The following CYYR1 variants were observed in gnomAD, a reference collection of about 807,000 sequenced individuals.
The protein encoded by CYYR1 is cysteine and tyrosine-rich protein 1.
A neutral mutation model predicts 15.2 loss-of-function variants in CYYR1; 14 were observed. The ratio of observed to expected loss-of-function variants is 0.92; its 90% CI spans 0.61 to 1.44. The LOEUF (loss-of-function observed/expected upper bound fraction) is 1.44, where lower values mean the gene tolerates loss of function less well. Ranked by LOEUF, CYYR1 falls within the 40% of genes most tolerant of loss-of-function variation. The probability of loss-of-function intolerance (pLI) is 0.00; values close to 1 mark genes in which losing one functional copy is unlikely to be tolerated. For synonymous variants in CYYR1, 80 were observed against 77.4 expected (o/e 1.03, Z -0.18); for missense variants, 228 against 209.5 (o/e 1.09, Z -0.54).
intron 2 of CYYR1, among the ~76,000 whole-genome samples, chr21:26,500,493 T>C (rs187174573): frequency 3.3e-5 from 5 of 152,234 alleles, no homozygotes; most frequent in African/African-American, 4.8e-5. Context: ...AGCAGACACT[T>C]GTAGCAGATG....
intron 2 of CYYR1, chr21:26,564,765 G>C: frequency 8.1e-7 from 1 of 1,235,658 alleles, no homozygotes; most frequent in Non-Finnish European, 1.0e-6. Flanking sequence ...AAGAATCACA[G>C]AATCAGTTTG....
rs572631823 is a variant in CYYR1, at chr21:26,468,810, A to G, written c.335-176T>C. The stretch of plus-strand genomic sequence containing the variant: ...AAGGGTAAGTGCTCTAAAATGTGGT[A>G]TCATGGGTCAAAGTGTTAAGAACTG... On this transcript the variant is annotated intron_variant, in intron 3 of 3. Coordinates refer to ENST00000652641, the MANE Select transcript of CYYR1 (RefSeq NM_001320768.2). Among the ~76,000 whole-genome samples the G allele has an allele frequency of 1.9e-4, 29 of 152,322 alleles. No individual in the cohort carries two copies. In the East Asian group the frequency reaches 5.6e-3, roughly 29 times the overall value.
chr21:26,491,987 G>C (rs2065335267), intron 2 of CYYR1, among the ~76,000 whole-genome samples: 1 of 152,144 alleles, frequency 6.6e-6, no homozygotes, highest in Non-Finnish European at 1.5e-5. Context: ...AGGCTGCCCA[G>C]ACTCAACAGC....
Position 26,467,293 on chromosome 21 carries a change from G to A in CYYR1, c.*1208C>T, listed in dbSNP as rs1257837745. The A allele has an allele frequency of 6.6e-5, 10 of 152,110 alleles. No individual in the cohort carries two copies. The highest frequency in any genetic ancestry group is 1.5e-4 in the Non-Finnish European group (10 of 68,000). The allele number at this position is 152,110 out of a possible 1,614,324, so 9.4% of individuals were successfully genotyped here. On this transcript the variant is annotated 3_prime_UTR_variant, in exon 4 of 4. Coordinates refer to ENST00000652641, the MANE Select transcript of CYYR1 (RefSeq NM_001320768.2). ...GGCACATTAGAATTATTTATTAAAT[G>A]CTTTATACATATAAAGGTAGGCACT...
chr21:26,573,143 G>T lies in CYYR1; in HGVS notation c.-203C>A, dbSNP rs548464418. ...CGACTGCGGGACTCCGCGGAGCTGG[G>T]GCGCCCGTGGCCCGAGACGGGCTGC... On this transcript the variant is annotated 5_prime_UTR_variant, in exon 1 of 4. Transcript: ENST00000652641. 1.1e-5 allele frequency: 16 copies of T among 1,493,836 alleles called. No individual in the cohort carries two copies. The highest frequency in any genetic ancestry group is 1.3e-5 in the Non-Finnish European group (15 of 1,126,364). 92.5% of individuals were successfully genotyped at this position (1,493,836 alleles called of 1,614,324 possible). A position where few individuals can be genotyped will look rare whatever the true frequency, so the allele number is the denominator to read the frequency against.
chr21:26,486,834 T>G (rs1312349585), intron 2 of CYYR1, among the ~76,000 whole-genome samples: 7 of 152,124 alleles, frequency 4.6e-5, no homozygotes. Flanking sequence ...AGCAGCTTAC[T>G]AGTTATCTTG....
intron 2 of CYYR1, among the ~76,000 whole-genome samples, chr21:26,534,567 T>A (rs981100678): frequency 6.6e-6 from 1 of 152,052 alleles, no homozygotes; most frequent in Non-Finnish European, 1.5e-5. Flanking sequence ...GAATAAAACC[T>A]TTGATCCTTT....
At position 26,468,913 on chromosome 21, in the gene CYYR1, A is replaced by G. The variant is rs187842173; in HGVS notation, c.335-279T>C. Among the ~76,000 whole-genome samples, 902 of 150,972 alleles carry G rather than the reference A, an allele frequency of 6.0e-3. 42 individuals carry two copies. Among genetic ancestry groups the G allele is most frequent in the Admixed American group, 0.05 (756 of 15,066 alleles). Reference sequence around the variant, plus strand: ...AGGTGAGGGACAATTCAGGTTGATCAAAAGCACTGAAGCGGGAGAGCCCTT... The same window carrying G: ...AGGTGAGGGACAATTCAGGTTGATCGAAAGCACTGAAGCGGGAGAGCCCTT... On this transcript the variant is annotated intron_variant, in intron 3 of 3. Transcript: ENST00000652641.
chr21:26,481,533 T>A (rs1298054444), intron 2 of CYYR1, among the ~76,000 whole-genome samples: 1 of 152,134 alleles, frequency 6.6e-6, no homozygotes, highest in African/African-American at 2.4e-5. Context: ...TCCAGCACCA[T>A]CCATGTGCCT....
chr21:26,559,104 T>C (rs2123708328), intron 2 of CYYR1, among the ~76,000 whole-genome samples: 1 of 152,300 alleles, frequency 6.6e-6, no homozygotes, highest in South Asian at 2.1e-4. Context: ...AGAGCCCTTT[T>C]ATCTTTGCCC....
At chr21:26,541,210 A>G (rs1439295083) in intron 2 of CYYR1, among the ~76,000 whole-genome samples, 1 of 152,198 alleles carries the variant, frequency 6.6e-6, no homozygotes, top group Non-Finnish European at 1.5e-5. Flanking sequence ...GTAAAACCCA[A>G]CATCTGAAGA....
chr21:26,571,511 A>C (rs1327532845), intron 1 of CYYR1, among the ~76,000 whole-genome samples: 6 of 149,880 alleles, frequency 4.0e-5, no homozygotes, highest in Non-Finnish European at 6.0e-5. Flanking sequence ...ACCACAGGGA[A>C]TATAATAAAC....
intron 2 of CYYR1, among the ~76,000 whole-genome samples, chr21:26,539,017 A>G (rs1164754873): frequency 3.3e-5 from 5 of 152,220 alleles, no homozygotes; most frequent in Admixed American, 2.6e-4. Flanking sequence ...ATTTGGAGAT[A>G]CAGGCAAAGA....
intron 2 of CYYR1, among the ~76,000 whole-genome samples, chr21:26,519,556 G>T (rs1018231476): frequency 1.3e-5 from 2 of 152,204 alleles, no homozygotes; most frequent in African/African-American, 4.8e-5. Context: ...GGAGTAACTT[G>T]TAGGCCATTT....
intron 2 of CYYR1, among the ~76,000 whole-genome samples, chr21:26,492,111 C>A (rs916463059): frequency 6.6e-6 from 1 of 152,146 alleles, no homozygotes; most frequent in Non-Finnish European, 1.5e-5. Flanking sequence ...TAGCTTCGTG[C>A]GCATTAAAAT....
At chr21:26,485,506 G>A (rs919968851) in intron 2 of CYYR1, among the ~76,000 whole-genome samples, 3 of 151,884 alleles carry the variant, frequency 2.0e-5, no homozygotes, top group Admixed American at 6.6e-5. Flanking sequence ...CAATAACCCC[G>A]GGTATCAGCA....
intron 2 of CYYR1, among the ~76,000 whole-genome samples, chr21:26,500,693 G>A (rs1474744699): frequency 1.3e-5 from 2 of 152,058 alleles, no homozygotes; most frequent in Admixed American, 1.3e-4. Flanking sequence ...TTCTGGGTGG[G>A]AAATGAGTGG....
intron 2 of CYYR1, among the ~76,000 whole-genome samples, chr21:26,548,545 C>T (rs1413027611): frequency 6.6e-6 from 1 of 152,142 alleles, no homozygotes; most frequent in African/African-American, 2.4e-5. Flanking sequence ...TGAAGTCTTG[C>T]TATGTTGTCC....
At chr21:26,524,257 T>C (rs1207998771) in intron 2 of CYYR1, among the ~76,000 whole-genome samples, 1 of 152,226 alleles carries the variant, frequency 6.6e-6, no homozygotes, top group African/African-American at 2.4e-5. Flanking sequence ...AAATATATGT[T>C]TGCTCTGACA....
Sources: allele counts gnomAD v4.1 joint callset (sites outside exome capture counted in the v4.1 genomes callset), GRCh38; gene constraint gnomAD v4.1.1; transcripts MANE v1.5; gene names NCBI Gene and HGNC (gene_info 2026-07-23, HGNC 2026-07-21).